Variants in PTPRQ observed in about 807,000 individuals in gnomAD.
The protein encoded by PTPRQ is protein tyrosine phosphatase receptor type Q.
A neutral mutation model predicts 246.0 loss-of-function variants in PTPRQ; 199 were observed. That is an observed-to-expected ratio of 0.81 (90% CI 0.72 to 0.91). The LOEUF is 0.91. Ranked by LOEUF, PTPRQ falls within the 40% of genes least tolerant of loss-of-function variation. PTPRQ has a pLI of 0.00. For synonymous variants in PTPRQ, 869 were observed against 853.2 expected, an observed-to-expected ratio of 1.02 and a Z score of -0.32; for missense variants, 2,624 against 2,528.4, an observed-to-expected ratio of 1.04 and a Z score of -0.81.
Position 80,549,505 on chromosome 12 carries a change from C to G in PTPRQ, c.4056C>G (p.Ser1352Arg). 1 of 1,550,806 alleles carries G rather than the reference C, an allele frequency of 6.4e-7. No individual in the cohort carries two copies. The highest frequency in any genetic ancestry group is 8.7e-7 in the Non-Finnish European group (1 of 1,146,446). The change falls in exon 25 of 45, where the codon AGC becomes AGG. Residue 1352 changes from serine (S) to arginine (R), a missense_variant. Ser to Arg is a moderately radical substitution (Grantham distance 110, BLOSUM62 -1). Transcript: ENST00000644991. ...AGAATATGCAGTGCATGGCAACTAG[C>G]TGGCAGTCAGTTTTAGTGAAATGGG... ...VVQNMQCMAT[S>R]WQSVLVKWDP...
intron 25 of PTPRQ, among the ~76,000 whole-genome samples, chr12:80,583,457 G>A (rs1334690818): frequency 6.6e-6 from 1 of 152,156 alleles, no homozygotes; most frequent in Non-Finnish European, 1.5e-5. Context: ...TGGGTTTTCA[G>A]TGCAGAGCTG....
rs549611291 is a variant in PTPRQ at position 80,621,301 on chromosome 12, C to A, written c.5613-760C>A. Reference sequence around the variant, plus strand: ...TATACTACCAAGTATCATGTTTATTCATATTTATAGTTTATTTATTTTGCA... The same window carrying A: ...TATACTACCAAGTATCATGTTTATTAATATTTATAGTTTATTTATTTTGCA... On this transcript the variant is annotated intron_variant, in intron 32 of 44. Transcript: ENST00000644991. Among the ~76,000 whole-genome samples the A allele has an allele frequency of 1.1e-4, 17 of 151,938 alleles. No individual in the cohort carries two copies. In the South Asian group the frequency reaches 3.5e-3, roughly 32 times the overall value.
chr12:80,547,935 A>G (rs2120864275), intron 24 of PTPRQ, among the ~76,000 whole-genome samples: 1 of 152,282 alleles, frequency 6.6e-6, no homozygotes, highest in East Asian at 1.9e-4. Context: ...AAGGACCTTG[A>G]AAAAATTAGT....
intron 4 of PTPRQ, among the ~76,000 whole-genome samples, chr12:80,459,002 T>C (rs1027978316): frequency 6.6e-6 from 1 of 152,164 alleles, no homozygotes; most frequent in Non-Finnish European, 1.5e-5. Context: ...TTATCCCAAC[T>C]TGTTTGTATA....
At chr12:80,470,347 T>C (rs1386069145) in intron 7 of PTPRQ, among the ~76,000 whole-genome samples, 2 of 150,164 alleles carry the variant, frequency 1.3e-5, no homozygotes, top group African/African-American at 4.9e-5. Flanking sequence ...TATAGTTGTG[T>C]TGGTGGGAGC....
intron 39 of PTPRQ, among the ~76,000 whole-genome samples, chr12:80,663,917 T>G (rs1900708452): frequency 1.3e-5 from 2 of 152,010 alleles, no homozygotes; most frequent in Non-Finnish European, 2.9e-5. Flanking sequence ...CTATCGAATT[T>G]TCCATTTCTC....
intron 25 of PTPRQ, among the ~76,000 whole-genome samples, chr12:80,567,222 A>G (rs951775846): frequency 2.0e-5 from 3 of 152,236 alleles, no homozygotes; most frequent in African/African-American, 7.2e-5. Flanking sequence ...TTAAAAATCT[A>G]CATTTACAAA....
chr12:80,540,702 T>A (rs897415829), intron 20 of PTPRQ, among the ~76,000 whole-genome samples: 1 of 152,122 alleles, frequency 6.6e-6, no homozygotes, highest in Admixed American at 6.6e-5. Flanking sequence ...GAACAGTCTT[T>A]TGAATTGTTG....
chr12:80,584,688 A>G (rs1205266492), intron 25 of PTPRQ, among the ~76,000 whole-genome samples: 2 of 152,150 alleles, frequency 1.3e-5, no homozygotes, highest in Non-Finnish European at 2.9e-5. Context: ...TTTTACAATC[A>G]GTGAAATTCC....
intron 19 of PTPRQ, among the ~76,000 whole-genome samples, chr12:80,537,509 C>T (rs1896023774): frequency 6.6e-6 from 1 of 152,166 alleles, no homozygotes; most frequent in Non-Finnish European, 1.5e-5. Context: ...TCTTCTGCAA[C>T]TATGTCAGAC....
intron 25 of PTPRQ, among the ~76,000 whole-genome samples, chr12:80,558,158 C>CTTTTA (rs756074300): frequency 1.0e-5 from 1 of 98,210 alleles, no homozygotes; most frequent in Non-Finnish European, 1.9e-5. Context: ...CTTTTCTTTT[C>CTTTTA]TTTTCTTTTC....
chr12:80,669,186 G>A (rs1298688832), intron 40 of PTPRQ, 45 bp downstream of exon 40: 1 of 1,537,492 alleles, frequency 6.5e-7, no homozygotes, highest in South Asian at 1.2e-5. Context: ...TTACGATTGT[G>A]TTAACATATG....
chr12:80,648,577 A>G (rs1026980666), intron 35 of PTPRQ, among the ~76,000 whole-genome samples: 2 of 152,094 alleles, frequency 1.3e-5, no homozygotes, highest in Admixed American at 6.6e-5. Flanking sequence ...ACTAAATACC[A>G]TGCAATATAT....
rs1898273183 is a variant in PTPRQ at position 80,605,216 on chromosome 12, A to G, written c.4731+36A>G. ...TCTTACCTTCTGTAAAAGCCAGTAT[A>G]AAATGGTTAATAATACAAGATTTGG... On this transcript the variant is annotated intron_variant, in intron 27 of 44. Transcript: ENST00000644991. 3 of 1,529,872 alleles carry G rather than the reference A, an allele frequency of 2.0e-6. No individual in the cohort carries two copies. The East Asian group carries it at 7.5e-5, about 38-fold the overall frequency. The allele number at this position is 1,529,872 out of a possible 1,614,324, so 94.8% of individuals were successfully genotyped here. A position where few individuals can be genotyped will look rare whatever the true frequency, so the allele number is the denominator to read the frequency against.
chr12:80,633,719 C>A lies in PTPRQ; in HGVS notation c.5787-1226C>A, dbSNP rs147174194. Among the ~76,000 whole-genome samples the A allele has an allele frequency of 3.9e-3, 596 of 152,248 alleles. 6 individuals carry two copies. Among genetic ancestry groups the A allele is most frequent in the African/African-American group, 0.014 (571 of 41,538 alleles). ...ACCACATAACTATTTGCAGATTTAG[C>A]CAGAAGACAGTGAGAGAGTTATCAT... On this transcript the variant is annotated intron_variant, in intron 34 of 44. Coordinates refer to ENST00000644991, the MANE Select transcript of PTPRQ (RefSeq NM_001145026.2).
chr12:80,471,663 G>T (rs1350803804), intron 7 of PTPRQ, among the ~76,000 whole-genome samples: 1 of 146,892 alleles, frequency 6.8e-6, no homozygotes, highest in Non-Finnish European at 1.5e-5. Context: ...ATTTTTAGTA[G>T]AGACGGGGTT....
chr12:80,454,141 G>A (rs1191895443), intron 3 of PTPRQ, among the ~76,000 whole-genome samples: 1 of 126,068 alleles, frequency 7.9e-6, no homozygotes, highest in Non-Finnish European at 1.6e-5. Context: ...CTAGCAATCA[G>A]GCAGACTCCG....
intron 17 of PTPRQ, among the ~76,000 whole-genome samples, chr12:80,523,147 G>A (rs184030446): frequency 6.6e-6 from 1 of 152,164 alleles, no homozygotes; most frequent in Non-Finnish European, 1.5e-5. Context: ...TGGTTTATTT[G>A]CATAGAGGTG....
chr12:80,482,667 A>T (rs1269551992), intron 8 of PTPRQ, among the ~76,000 whole-genome samples: 2 of 151,452 alleles, frequency 1.3e-5, no homozygotes, highest in Non-Finnish European at 1.5e-5. Flanking sequence ...ATGAACTCAA[A>T]CAAATTTACA....
Sources: gnomAD v4.1 joint callset for allele counts (sites outside exome capture counted in the v4.1 genomes callset) on GRCh38, gnomAD v4.1.1 for gene constraint, MANE v1.5 for transcripts, NCBI Gene and HGNC (gene_info 2026-07-23, HGNC 2026-07-21) for gene names.